The following ERBB4 variants were observed in gnomAD, a reference collection of about 807,000 sequenced individuals.
The protein encoded by ERBB4 is receptor tyrosine-protein kinase erbB-4.
Under a neutral mutation model 158.0 loss-of-function variants are expected in ERBB4, and 42 were observed. That is an observed-to-expected ratio of 0.27 (90% CI 0.21 to 0.34). The LOEUF is 0.34. Ranked by LOEUF, ERBB4 falls within the 10% of genes least tolerant of loss-of-function variation. The pLI is 1.00. For synonymous variants in ERBB4, 583 were observed against 558.7 expected (o/e 1.04, Z -0.61); for missense variants, 1,333 against 1,624.1 (o/e 0.82, Z 3.08).
At chr2:212,101,549 G>A (rs1024144971) in intron 2 of ERBB4, among the ~76,000 whole-genome samples, 3 of 151,482 alleles carry the variant, frequency 2.0e-5, no homozygotes, top group African/African-American at 7.3e-5. Context: ...TCTATCCCTA[G>A]ATAAATAATA....
intron 9 of ERBB4, among the ~76,000 whole-genome samples, chr2:211,710,106 A>G (rs2073637672): frequency 1.3e-5 from 2 of 152,264 alleles, no homozygotes; most frequent in South Asian, 2.1e-4. Flanking sequence ...TTTAGGTTAC[A>G]TTATCTATAA....
chr2:212,436,593 C>T (rs2092141530), intron 1 of ERBB4, among the ~76,000 whole-genome samples: 1 of 151,950 alleles, frequency 6.6e-6, no homozygotes, highest in African/African-American at 2.4e-5. Flanking sequence ...TCTCTACATT[C>T]AAGTTTTAAA....
At chr2:212,177,906 T>C (rs779896595) in intron 1 of ERBB4, among the ~76,000 whole-genome samples, 15 of 151,624 alleles carry the variant, frequency 9.9e-5, no homozygotes, top group African/African-American at 1.5e-4. Context: ...AAGTTCTGAA[T>C]GATGAAATCA....
At chr2:211,868,911 A>G (rs2078274480) in intron 3 of ERBB4, among the ~76,000 whole-genome samples, 1 of 152,162 alleles carries the variant, frequency 6.6e-6, no homozygotes, top group African/African-American at 2.4e-5. Context: ...ACCTCTCAAT[A>G]AATCTATTGC....
intron 4 of ERBB4, among the ~76,000 whole-genome samples, chr2:211,756,798 T>A (rs1268371639): frequency 6.6e-6 from 1 of 152,176 alleles, no homozygotes; most frequent in Non-Finnish European, 1.5e-5. Context: ...ACTGTTAGTA[T>A]CATAGACATA....
At chr2:211,882,503 A>G (rs2078691133) in intron 3 of ERBB4, among the ~76,000 whole-genome samples, 1 of 152,180 alleles carries the variant, frequency 6.6e-6, no homozygotes, top group African/African-American at 2.4e-5. Flanking sequence ...TTACTAAAAT[A>G]TGGTTTCTCT....
intron 3 of ERBB4, among the ~76,000 whole-genome samples, chr2:211,862,065 C>T (rs2078070597): frequency 6.6e-6 from 1 of 151,884 alleles, no homozygotes; most frequent in Non-Finnish European, 1.5e-5. Context: ...TTTATTTAAC[C>T]TTGCTGTTAC....
At chr2:211,879,012 G>T (rs2106142518) in intron 3 of ERBB4, among the ~76,000 whole-genome samples, 1 of 152,188 alleles carries the variant, frequency 6.6e-6, no homozygotes, top group East Asian at 1.9e-4. Context: ...TAACCCTCTA[G>T]GAGAAAGGAG....
chr2:211,537,943 C>A (rs915867940), intron 20 of ERBB4, among the ~76,000 whole-genome samples: 15 of 151,772 alleles, frequency 9.9e-5, no homozygotes, highest in Non-Finnish European at 1.8e-4. Flanking sequence ...ATATGTGCAC[C>A]TGCATTAGAA....
chr2:212,331,017 A>G (rs896712153), intron 1 of ERBB4, among the ~76,000 whole-genome samples: 1 of 112,366 alleles, frequency 8.9e-6, no homozygotes, highest in African/African-American at 2.7e-5. Flanking sequence ...TTCCTGCAAT[A>G]TTAAAATATT....
chr2:211,709,332 T>A (rs1010899984), intron 9 of ERBB4, among the ~76,000 whole-genome samples: 1 of 148,950 alleles, frequency 6.7e-6, no homozygotes, highest in Non-Finnish European at 1.5e-5. Flanking sequence ...AGTAATTTTA[T>A]AACTAGTAGA....
intron 1 of ERBB4, among the ~76,000 whole-genome samples, chr2:212,320,943 A>C (rs1357501676): frequency 1.3e-5 from 2 of 150,212 alleles, no homozygotes; most frequent in Non-Finnish European, 3.0e-5. Flanking sequence ...ACCTGAAAAA[A>C]CTGTTTCTTT....
At chr2:211,508,677 A>G (rs1295154962) in intron 20 of ERBB4, among the ~76,000 whole-genome samples, 3 of 152,118 alleles carry the variant, frequency 2.0e-5, no homozygotes, top group Non-Finnish European at 4.4e-5. Flanking sequence ...ACATGCACAC[A>G]TATGTGTATT....
intron 2 of ERBB4, among the ~76,000 whole-genome samples, chr2:212,037,226 T>C (rs1249382864): frequency 6.6e-6 from 1 of 152,288 alleles, no homozygotes; most frequent in East Asian, 1.9e-4. Flanking sequence ...CAGCAAAGTG[T>C]AGAAGGGGAA....
intron 3 of ERBB4, among the ~76,000 whole-genome samples, chr2:211,846,517 G>A (rs574645940): frequency 8.5e-4 from 130 of 152,144 alleles, no homozygotes; most frequent in Non-Finnish European, 1.2e-3. Context: ...TGAAAAATGA[G>A]CTGGAGAAAT....
intron 20 of ERBB4, among the ~76,000 whole-genome samples, chr2:211,451,801 G>T (rs567892951): frequency 6.6e-6 from 1 of 152,234 alleles, no homozygotes; most frequent in Non-Finnish European, 1.5e-5. Context: ...CTGTATAAAA[G>T]GATCCTGTCT....
chr2:211,582,009 C>CA (rs113294020), intron 19 of ERBB4, among the ~76,000 whole-genome samples: 2,419 of 146,218 alleles, frequency 0.017, 58 homozygotes, highest in African/African-American at 0.056. Context: ...GACTCCATCT[C>CA]AAAAAAAAAA....
At chr2:211,575,587 C>T (rs1426615275) in intron 19 of ERBB4, among the ~76,000 whole-genome samples, 1 of 152,090 alleles carries the variant, frequency 6.6e-6, no homozygotes, top group African/African-American at 2.4e-5. Flanking sequence ...ATTTGTTTTC[C>T]TGGACACTGC....
chr2:211,451,555 C>A (rs1008940947), intron 20 of ERBB4, among the ~76,000 whole-genome samples: 5 of 151,702 alleles, frequency 3.3e-5, no homozygotes, highest in African/African-American at 9.7e-5. Context: ...AAGAACCTAA[C>A]AAAAAACAAA....
Sources: gnomAD v4.1 joint callset for allele counts (sites outside exome capture counted in the v4.1 genomes callset) on GRCh38, gnomAD v4.1.1 for gene constraint, MANE v1.5 for transcripts, NCBI Gene and HGNC (gene_info 2026-07-23, HGNC 2026-07-21) for gene names.